Variants in EIF5A2 observed in about 807,000 individuals in gnomAD.
EIF5A2 encodes the protein eukaryotic translation initiation factor 5A2.
A neutral mutation model predicts 16.4 loss-of-function variants in EIF5A2; 15 were observed. That is an observed-to-expected ratio of 0.92 (90% CI 0.61 to 1.41). EIF5A2 has a LOEUF of 1.41. EIF5A2 is among the 40% of genes most tolerant of loss of function. The probability of loss-of-function intolerance (pLI) is 0.00; values close to 1 mark genes in which losing one functional copy is unlikely to be tolerated. For missense variants in EIF5A2, 144 were observed against 189.5 expected, an observed-to-expected ratio of 0.76 and a Z score of 1.41; for synonymous variants, 48 against 61.1, an observed-to-expected ratio of 0.79 and a Z score of 1.00.
At position 170,890,136 on chromosome 3, in the gene EIF5A2, T is replaced by TTAAAG. The variant is rs994979581; in HGVS notation, c.*3219_*3223dup. The stretch of plus-strand genomic sequence containing the variant: ...CTAGAAATATTCTAATTGAGAAACC[T>TTAAAG]TAAAGTACAAAAACAAGTTGTGGAA... On this transcript the variant is annotated 3_prime_UTR_variant, in exon 5 of 5. Coordinates refer to ENST00000295822, the MANE Select transcript of EIF5A2 (RefSeq NM_020390.6). The TTAAAG allele has an allele frequency of 2.0e-5, 3 of 152,112 alleles. No homozygotes were observed. Among genetic ancestry groups the TTAAAG allele is most frequent in the African/African-American group, 7.3e-5 (3 of 41,354 alleles). 9.4% of individuals were successfully genotyped at this position (152,112 alleles called of 1,614,324 possible).
At chr3:170,897,509 G>C (rs1348932789) in intron 3 of EIF5A2, among the ~76,000 whole-genome samples, 1 of 152,218 alleles carries the variant, frequency 6.6e-6, no homozygotes, top group African/African-American at 2.4e-5. Flanking sequence ...GTGGCTAAAA[G>C]GGGTCAAGGT....
intron 3 of EIF5A2, among the ~76,000 whole-genome samples, chr3:170,896,258 T>C (rs1403202339): frequency 6.6e-6 from 1 of 152,150 alleles, no homozygotes; most frequent in African/African-American, 2.4e-5. Context: ...AGTAAAACAA[T>C]GCATTTACAA....
rs747942434 is a variant in EIF5A2 at position 170,907,797 on chromosome 3, C to T, written c.10G>A (p.Glu4Lys). Residue 4 changes from glutamate to lysine, a missense_variant, in exon 2 of 5, where the codon GAA becomes AAA. Coordinates refer to ENST00000295822, the MANE Select transcript of EIF5A2 (RefSeq NM_020390.6). The part of the protein sequence containing the change: MAD[E>K]IDFTTGDAGA... ...GCATCTCCAGTAGTGAAATCAATTT[C>T]GTCTGCCATGGTGGGCAGGGGAGAT... 3 of 1,545,082 alleles carry T rather than the reference C, an allele frequency of 1.9e-6. No homozygotes were observed. The highest frequency in any genetic ancestry group is 1.2e-5 in the South Asian group (1 of 83,790).
intron 4 of EIF5A2, 56 bp from the exon 5 acceptor site, chr3:170,893,475 A>C: frequency 1.9e-6 from 3 of 1,569,096 alleles, no homozygotes; most frequent in Non-Finnish European, 2.6e-6. Context: ...TATAGAAGAT[A>C]TAATTAGTTC....
intron 3 of EIF5A2, among the ~76,000 whole-genome samples, chr3:170,897,127 A>G (rs571113154): frequency 1.3e-5 from 2 of 152,270 alleles, no homozygotes; most frequent in East Asian, 3.9e-4. Flanking sequence ...GCTTTTTTTG[A>G]AAGTGTACAG....
chr3:170,904,584 C>A (rs1010697682), intron 3 of EIF5A2, among the ~76,000 whole-genome samples: 9 of 152,138 alleles, frequency 5.9e-5, no homozygotes, highest in African/African-American at 2.2e-4. Flanking sequence ...GCCTTGACCT[C>A]CCAAGGCTCA....
intron 3 of EIF5A2, among the ~76,000 whole-genome samples, chr3:170,900,177 C>A (rs1160542250): frequency 6.6e-6 from 1 of 151,782 alleles, no homozygotes; most frequent in Non-Finnish European, 1.5e-5. Context: ...CCGAGACCAA[C>A]CTGGCCAATA....
intron 3 of EIF5A2, among the ~76,000 whole-genome samples, chr3:170,906,388 T>C (rs549717804): frequency 6.6e-6 from 1 of 152,282 alleles, no homozygotes; most frequent in South Asian, 2.1e-4. Flanking sequence ...TTTACATACA[T>C]AATTTAGCAA....
At chr3:170,896,002 C>A (rs560302131) in intron 3 of EIF5A2, among the ~76,000 whole-genome samples, 1 of 152,316 alleles carries the variant, frequency 6.6e-6, no homozygotes, top group African/African-American at 2.4e-5. Flanking sequence ...ACAACCACAA[C>A]ATTCCAAGAC....
chr3:170,901,010 C>G (rs1356013), intron 3 of EIF5A2, among the ~76,000 whole-genome samples: 4 of 151,948 alleles, frequency 2.6e-5, no homozygotes, highest in Non-Finnish European at 5.9e-5. Context: ...AGTAGTCCTG[C>G]TAAAGGAAAG....
Position 170,897,833 on chromosome 3 carries a change from T to C in EIF5A2, c.271-3410A>G, listed in dbSNP as rs1019737234. Among the ~76,000 whole-genome samples the C allele has an allele frequency of 5.3e-5, 8 of 152,166 alleles. No individual in the cohort carries two copies. The South Asian group carries it at 8.3e-4, about 16-fold the overall frequency. On this transcript the variant is annotated intron_variant, in intron 3 of 4. Coordinates refer to ENST00000295822, the MANE Select transcript of EIF5A2 (RefSeq NM_020390.6). ...CCATCTTCTAGATTCCAGAATGGTG[T>C]ACCATGTGCCTGGAAAAGCCACAGG...
At chr3:170,897,818 G>C (rs59716798) in intron 3 of EIF5A2, among the ~76,000 whole-genome samples, 1 of 152,158 alleles carries the variant, frequency 6.6e-6, no homozygotes, top group Non-Finnish European at 1.5e-5. Flanking sequence ...CCATCTTCTA[G>C]ATTCCAGAAT....
rs952330545 is a variant in EIF5A2 at position 170,907,541 on chromosome 3, A to T, written c.165+101T>A. On this transcript the variant is annotated intron_variant, in intron 2 of 4. Transcript: ENST00000295822. The stretch of plus-strand genomic sequence containing the variant: ...TTGTGGGAAGGAAAAAATAGTGCTT[A>T]TTACAAAATTTTAAGTATAGAAATC... The T allele has an allele frequency of 5.3e-6, 7 of 1,329,352 alleles. No homozygotes were observed. The African/African-American group carries it at 5.9e-5, about 11-fold the overall frequency. 82.3% of individuals were successfully genotyped at this position (1,329,352 alleles called of 1,614,324 possible).
At chr3:170,894,534 T>C (rs938037527) in intron 3 of EIF5A2, 111 bp from the exon 4 acceptor site, 14 of 786,058 alleles carry the variant, frequency 1.8e-5, no homozygotes, top group Admixed American at 5.9e-5. Flanking sequence ...TACAGTAATA[T>C]ATTAATATTC....
intron 1 of EIF5A2, among the ~76,000 whole-genome samples, chr3:170,908,067 G>C (rs1001616616): frequency 6.6e-5 from 10 of 152,282 alleles, no homozygotes; most frequent in Non-Finnish European, 1.5e-4. Context: ...CTGAGGGTGG[G>C]GACACCCGCC....
chr3:170,896,954 AC>A (rs1712690215), intron 3 of EIF5A2, among the ~76,000 whole-genome samples: 1 of 152,230 alleles, frequency 6.6e-6, no homozygotes, highest in Non-Finnish European at 1.5e-5. Flanking sequence ...TGAGGAACTC[AC>A]TGGGAACTGG....
At position 170,888,418 on chromosome 3, in the gene EIF5A2, T is replaced by C. The variant is rs894918284; in HGVS notation, c.*4942A>G. ...TAAAGATGTATATGTACAAGAATAG[T>C]GCAAGCTGTTAACTATTTTTATTTA... On this transcript the variant is annotated 3_prime_UTR_variant, in exon 5 of 5. Coordinates refer to ENST00000295822, the MANE Select transcript of EIF5A2 (RefSeq NM_020390.6). 6.6e-6 allele frequency: 1 copy of C among 152,204 alleles called. No individual in the cohort carries two copies. Among genetic ancestry groups the C allele is most frequent in the Non-Finnish European group, 1.5e-5 (1 of 68,028 alleles). The allele number at this position is 152,204 out of a possible 1,614,324, so 9.4% of individuals were successfully genotyped here.
In EIF5A2 at chr3:170,907,847, CAA is replaced by C. The variant is rs1712981194; in HGVS notation, c.-35-8_-35-7del. ...TGGTAGTTTTTCCGTGGGAACTACACAAAAAGTTTGTGTTTGCTTTTTAACAA... is the reference window on the plus strand; with the variant it reads ...TGGTAGTTTTTCCGTGGGAACTACACAAAGTTTGTGTTTGCTTTTTAACAA... On this transcript the variant is annotated splice_region_variant and splice_polypyrimidine_tract_variant and intron_variant, in intron 1 of 4. Transcript: ENST00000295822. 1.3e-6 allele frequency: 2 copies of C among 1,495,272 alleles called. No homozygotes were observed. The highest frequency in any genetic ancestry group is 1.8e-6 in the Non-Finnish European group (2 of 1,110,182). 92.6% of individuals were successfully genotyped at this position (1,495,272 alleles called of 1,614,324 possible).
chr3:170,897,192 A>G (rs145069560), intron 3 of EIF5A2, among the ~76,000 whole-genome samples: 10 of 152,374 alleles, frequency 6.6e-5, no homozygotes, highest in African/African-American at 2.4e-4. Flanking sequence ...TTAAAAGGGA[A>G]GCATAGCATA....
Sources: gnomAD v4.1 joint callset for allele counts (sites outside exome capture counted in the v4.1 genomes callset) on GRCh38, gnomAD v4.1.1 for gene constraint, MANE v1.5 for transcripts, NCBI Gene and HGNC (gene_info 2026-07-23, HGNC 2026-07-21) for gene names.